The following PLEKHG2 variants were observed in gnomAD, a reference collection of about 807,000 sequenced individuals.
The protein encoded by PLEKHG2 is pleckstrin homology domain-containing family G member 2.
A neutral mutation model predicts 104.4 loss-of-function variants in PLEKHG2; 71 were observed. That is an observed-to-expected ratio of 0.68 (90% confidence interval 0.56 to 0.83). The LOEUF is 0.83. Among genes scored for constraint, PLEKHG2 ranks in the 40% least tolerant of loss-of-function variants. PLEKHG2 has a pLI of 0.00. For missense variants in PLEKHG2, 1,730 were observed against 1,809.4 expected (o/e 0.96, Z 0.80); for synonymous variants, 728 against 737.0 (o/e 0.99, Z 0.20).
chr19:39,416,258 A>G lies in PLEKHG2; in HGVS notation c.480-90A>G. ...TGGCAGTCAGCAAGCCCCCAGCCCC[A>G]GCAGACCATTGGGGCCTCAGCCTCC... On this transcript the variant is annotated intron_variant, in intron 4 of 18. Coordinates refer to ENST00000425673, the MANE Select transcript of PLEKHG2 (RefSeq NM_022835.3). This position sits in a 1 kb window ranked among gnomAD's most constrained non-coding sequence, Gnocchi z 4.5. The G allele has an allele frequency of 7.6e-7, 1 of 1,320,108 alleles. No individual in the cohort carries two copies. The highest frequency in any genetic ancestry group is 1.1e-6 in the Non-Finnish European group (1 of 923,610). The allele number at this position is 1,320,108 out of a possible 1,614,324, so 81.8% of individuals were successfully genotyped here. A position where few individuals can be genotyped will look rare whatever the true frequency, so the allele number is the denominator to read the frequency against.
rs1419379097 is a variant in PLEKHG2, at chr19:39,426,523, T to C, written c.*1229T>C. ...AGCTACTTTCATCAAATACTTAGCC[T>C]CTTGTGCTTTAGCACATTATTTATG... On this transcript the variant is annotated 3_prime_UTR_variant, in exon 19 of 19. Coordinates refer to ENST00000425673, the MANE Select transcript of PLEKHG2 (RefSeq NM_022835.3). The C allele has an allele frequency of 6.6e-6, 1 of 152,282 alleles. No individual in the cohort carries two copies. The highest frequency in any genetic ancestry group is 1.5e-5 in the Non-Finnish European group (1 of 68,058). 9.4% of individuals were successfully genotyped at this position (152,282 alleles called of 1,614,324 possible). A position where few individuals can be genotyped will look rare whatever the true frequency, so the allele number is the denominator to read the frequency against.
At position 39,422,220 on chromosome 19, in the gene PLEKHG2, C is replaced by T; in HGVS notation, c.1609C>T (p.Pro537Ser). ...LEDAGPPTLD[P>S]SGTSITEEIL... ...GGATGCTGGACCCCCAACACTGGAC[C>T]CCTCTGGGACCTCAATCACTGAAGA... is the stretch of plus-strand genomic sequence containing the variant. Residue 537 changes from proline to serine, a missense_variant, in exon 17 of 19, where the codon CCC becomes TCC. Transcript: ENST00000425673. The T allele has an allele frequency of 1.9e-6, 3 of 1,613,854 alleles. No homozygotes were observed. Among genetic ancestry groups the T allele is most frequent in the Non-Finnish European group, 2.5e-6 (3 of 1,179,942 alleles).
chr19:39,413,959 C>T lies in PLEKHG2; in HGVS notation c.-22-106C>T. 1.4e-6 allele frequency: 1 copy of T among 717,264 alleles called. No homozygotes were observed. Among genetic ancestry groups the T allele is most frequent in the Non-Finnish European group, 2.3e-6 (1 of 441,332 alleles). The allele number at this position is 717,264 out of a possible 1,614,324, so 44.4% of individuals were successfully genotyped here. ...CCCCATTAGTTACTCCCAGGGGCCCCTCCCTGGATTTACACCACGCTCCTA... is the reference window on the plus strand; with the variant it reads ...CCCCATTAGTTACTCCCAGGGGCCCTTCCCTGGATTTACACCACGCTCCTA... On this transcript the variant is annotated intron_variant, in intron 1 of 18. Transcript: ENST00000425673. This position sits in a 1 kb window ranked among gnomAD's most constrained non-coding sequence, Gnocchi z 4.5.
rs562119329 is a variant in PLEKHG2 at position 39,416,372 on chromosome 19, C to T, written c.504C>T (p.Asn168=). The change falls in exon 5 of 19, where the codon AAC becomes AAT. Residue 168 remains asparagine (N), a synonymous_variant. Coordinates refer to ENST00000425673, the MANE Select transcript of PLEKHG2 (RefSeq NM_022835.3). This position sits in a 1 kb window ranked among gnomAD's most constrained non-coding sequence, Gnocchi z 4.5. Reference sequence around the variant, plus strand: ...GCGAGCTCCTGGAGGACTTGGAGAACAGCAGCAGCGCCGGGGGTATTGCCG... The same window carrying T: ...GCGAGCTCCTGGAGGACTTGGAGAATAGCAGCAGCGCCGGGGGTATTGCCG... The part of the protein sequence containing the change: ...FSSELLEDLE[N]SSSAGGIAEC... The T allele has an allele frequency of 7.0e-5, 113 of 1,613,046 alleles. No homozygotes were observed. The highest frequency in any genetic ancestry group is 9.0e-5 in the Non-Finnish European group (106 of 1,179,820).
rs1329443515 is a variant in PLEKHG2, at chr19:39,428,027, G to A, written c.*2733G>A. Reference sequence around the variant, plus strand: ...AGACCACACCAGCCTGGCCAACATGGTGAAATCCCGTCTTTACTAAAAATA... The same window carrying A: ...AGACCACACCAGCCTGGCCAACATGATGAAATCCCGTCTTTACTAAAAATA... On this transcript the variant is annotated 3_prime_UTR_variant, in exon 19 of 19. Coordinates refer to ENST00000425673, the MANE Select transcript of PLEKHG2 (RefSeq NM_022835.3). 6.6e-6 allele frequency: 1 copy of A among 152,138 alleles called. No individual in the cohort carries two copies. The highest frequency in any genetic ancestry group is 1.5e-5 in the Non-Finnish European group (1 of 68,040). The allele number at this position is 152,138 out of a possible 1,614,324, so 9.4% of individuals were successfully genotyped here.
chr19:39,425,880 C>T lies in PLEKHG2; in HGVS notation c.*586C>T. ...ATCTACCCATCTTCCAATCCATCAT[C>T]TCACGTATCTGCCTTGCTTATCCAA... On this transcript the variant is annotated 3_prime_UTR_variant, in exon 19 of 19. Transcript: ENST00000425673. 6.5e-6 allele frequency: 1 copy of T among 154,292 alleles called. No homozygotes were observed. Among genetic ancestry groups the T allele is most frequent in the Non-Finnish European group, 1.4e-5 (1 of 69,450 alleles). 9.6% of individuals were successfully genotyped at this position (154,292 alleles called of 1,614,324 possible).
At position 39,423,668 on chromosome 19, in the gene PLEKHG2, C is replaced by T. The variant is rs31725; in HGVS notation, c.2599+15C>T. 0.46 allele frequency: 721,660 copies of T among 1,552,162 alleles called. 171,162 individuals are homozygous for T. Among genetic ancestry groups the T allele is most frequent in the African/African-American group, 0.68 (49,752 of 73,288 alleles). ...GGCAGAGCCAGGTGAGGTCCGGGTA[C>T]GTGGTTGGCAGAGGTGGTCCCCGCT... is the stretch of plus-strand genomic sequence containing the variant. On this transcript the variant is annotated intron_variant, in intron 18 of 18. Transcript: ENST00000425673.
In PLEKHG2 at chr19:39,416,821, A is replaced by C. The variant is rs769209826; in HGVS notation, c.594-29A>C. 10 of 1,566,314 alleles carry C rather than the reference A, an allele frequency of 6.4e-6. No homozygotes were observed. In the South Asian group the frequency reaches 1.1e-4, roughly 16 times the overall value. On this transcript the variant is annotated intron_variant, in intron 6 of 18. Transcript: ENST00000425673. The surrounding 1 kb of genome is among the most constrained non-coding windows in gnomAD (Gnocchi z 4.5). ...TTGACCCCGCCCACTGGAACTGACA[A>C]TCCCCACTGACCTGTGCTGTGCCCC...
chr19:39,417,048 C>T, intron 7 of PLEKHG2, 48 bp downstream of exon 7: 2 of 1,535,262 alleles, frequency 1.3e-6, no homozygotes, highest in Non-Finnish European at 1.8e-6. Flanking sequence ...AGGTCCTGTC[C>T]CTTGACCACC....
Position 39,422,939 on chromosome 19 carries a change from A to G in PLEKHG2, c.1885A>G (p.Ile629Val), listed in dbSNP as rs2078722883. The stretch of plus-strand genomic sequence containing the variant: ...TTCCATTGCAGCTGAAATGCCCAGC[A>G]TTCCCTGCCTTACCAAAATTCCTGA... ...ESSIAAEMPS[I>V]PCLTKIPDVP... Residue 629 changes from isoleucine (I) to valine (V), a missense_variant, in exon 18 of 19, where the codon ATT (isoleucine) becomes GTT (valine). Ile to Val is a conservative substitution (Grantham distance 29). Transcript: ENST00000425673. The G allele has an allele frequency of 6.2e-7, 1 of 1,613,776 alleles. No homozygotes were observed. The highest frequency in any genetic ancestry group is 8.5e-7 in the Non-Finnish European group (1 of 1,179,722).
rs766042286 is a variant in PLEKHG2, at chr19:39,421,113, G to C, written c.1486G>C (p.Ala496Pro). ...CCCTTATGTCATGTTCCCACAGAAC[G>C]GTCAGTGACTGCCCCGGTTCAGCCT... ...KDPYVMFPQN[A>P]KPGFKHAGSE... is the part of the protein sequence containing the mutation. The change falls in exon 15 of 19, where the codon GCT (alanine) becomes CCT (proline). Residue 496 changes from alanine (A) to proline (P), a missense_variant and splice_region_variant. Transcript: ENST00000425673. 1.2e-6 allele frequency: 2 copies of C among 1,614,080 alleles called. No individual in the cohort carries two copies. The highest frequency in any genetic ancestry group is 2.2e-5 in the South Asian group (2 of 91,082).
At chr19:39,421,817 G>A (rs978930749) in intron 16 of PLEKHG2, 16 of 249,128 alleles carry the variant, frequency 6.4e-5, no homozygotes, top group Non-Finnish European at 1.1e-4. Flanking sequence ...AGGAATTTGA[G>A]ACCAGGCTGG....
rs200990352 is a variant in PLEKHG2, at chr19:39,422,126, C to T, written c.1515C>T (p.Ser505=). 3.2e-5 allele frequency: 52 copies of T among 1,608,598 alleles called. No individual in the cohort carries two copies. Among genetic ancestry groups the T allele is most frequent in the Admixed American group, 1.0e-4 (6 of 59,182 alleles). ...NAKPGFKHAG[S]EGELYPPESQ... The stretch of plus-strand genomic sequence containing the variant: ...TTCCCTCCTCACAGCACGCTGGCAG[C>T]GAAGGGGAACTCTACCCTCCAGAAT... Residue 505 remains serine, a synonymous_variant, in exon 17 of 19, where the codon AGC becomes AGT. Coordinates refer to ENST00000425673, the MANE Select transcript of PLEKHG2 (RefSeq NM_022835.3).
intron 12 of PLEKHG2, 22 bp downstream of exon 12, chr19:39,420,681 G>T: frequency 6.2e-7 from 1 of 1,614,116 alleles, no homozygotes; most frequent in Non-Finnish European, 8.5e-7. Flanking sequence ...CCTTGGGCTG[G>T]GAGGGTGTGG....
chr19:39,416,578 T>G lies in PLEKHG2; in HGVS notation c.574T>G (p.Tyr192Asp). The G allele has an allele frequency of 6.2e-7, 1 of 1,613,908 alleles. No individual in the cohort carries two copies. Among genetic ancestry groups the G allele is most frequent in the Non-Finnish European group, 8.5e-7 (1 of 1,179,956 alleles). The part of the protein sequence containing the change: ...RSEDFDIYTL[Y>D]CMNYPSSLAL... Reference sequence around the variant, plus strand: ...CGAGGATTTTGACATCTACACATTGTACTGCATGAACTACCCGAGGTGAGG... The same window carrying G: ...CGAGGATTTTGACATCTACACATTGGACTGCATGAACTACCCGAGGTGAGG... The change falls in exon 6 of 19, where the codon TAC becomes GAC. Residue 192 changes from tyrosine to aspartate, a missense_variant. Physicochemically the swap from Tyr to Asp is radical, Grantham distance 160 (BLOSUM62 -3). Coordinates refer to ENST00000425673, the MANE Select transcript of PLEKHG2 (RefSeq NM_022835.3). The surrounding 1 kb of genome is among the most constrained non-coding windows in gnomAD (Gnocchi z 4.5).
rs896716588 is a variant in PLEKHG2, at chr19:39,412,952, G to A, written c.-483G>A. 4 of 152,178 alleles carry A rather than the reference G, an allele frequency of 2.6e-5. No homozygotes were observed. Among genetic ancestry groups the A allele is most frequent in the African/African-American group, 9.7e-5 (4 of 41,436 alleles). The allele number at this position is 152,178 out of a possible 1,614,324, so 9.4% of individuals were successfully genotyped here. On this transcript the variant is annotated 5_prime_UTR_variant, in exon 1 of 19. Transcript: ENST00000425673. Reference sequence around the variant, plus strand: ...GATCCAGGACCGCAGACTCCCTCCAGGGCTCCGATCCCAAGACCCCGCGTT... The same window carrying A: ...GATCCAGGACCGCAGACTCCCTCCAAGGCTCCGATCCCAAGACCCCGCGTT...
chr19:39,419,031 C>G (rs767184306), intron 11 of PLEKHG2, 28 bp downstream of exon 11: 1 of 1,585,218 alleles, frequency 6.3e-7, no homozygotes, highest in South Asian at 1.1e-5. Flanking sequence ...GCCGGGGGCC[C>G]TCTGAGTGCT....
At position 39,423,241 on chromosome 19, in the gene PLEKHG2, G is replaced by A. The variant is rs1381856496; in HGVS notation, c.2187G>A (p.Lys729=). ...GKLGEPPSGG[K]AGPEEDEEGV... is the part of the protein sequence containing the mutation. Reference sequence around the variant, plus strand: ...TGGGAGAGCCGCCTTCAGGAGGCAAGGCAGGGCCAGAGGAGGATGAAGAAG... The same window carrying A: ...TGGGAGAGCCGCCTTCAGGAGGCAAAGCAGGGCCAGAGGAGGATGAAGAAG... The change falls in exon 18 of 19, where the codon AAG becomes AAA. Residue 729 remains lysine, a synonymous_variant. Coordinates refer to ENST00000425673, the MANE Select transcript of PLEKHG2 (RefSeq NM_022835.3). The A allele has an allele frequency of 1.2e-6, 2 of 1,613,716 alleles. No homozygotes were observed. The highest frequency in any genetic ancestry group is 2.7e-5 in the African/African-American group (2 of 74,944).
At position 39,423,716 on chromosome 19, in the gene PLEKHG2, C is replaced by T. The variant is rs1311172027; in HGVS notation, c.2600-17C>T. 7 of 1,599,876 alleles carry T rather than the reference C, an allele frequency of 4.4e-6. No homozygotes were observed. The highest frequency in any genetic ancestry group is 5.1e-6 in the Non-Finnish European group (6 of 1,171,452). On this transcript the variant is annotated splice_polypyrimidine_tract_variant and intron_variant, in intron 18 of 18. Coordinates refer to ENST00000425673, the MANE Select transcript of PLEKHG2 (RefSeq NM_022835.3). Reference sequence around the variant, plus strand: ...GCTGGAGTAGTGGTCCTGACTCGATCCTCTTTTCGCATTCAGGGCTCCTGC... The same window carrying T: ...GCTGGAGTAGTGGTCCTGACTCGATTCTCTTTTCGCATTCAGGGCTCCTGC...
Sources: allele counts gnomAD v4.1 joint callset, GRCh38; gene constraint gnomAD v4.1.1; non-coding constraint Gnocchi (gnomAD v3.1); transcripts MANE v1.5; gene names NCBI Gene and HGNC (gene_info 2026-07-23, HGNC 2026-07-21).